DGAT2: variants seen among roughly 807,000 people sequenced by gnomAD.
DGAT2 encodes the protein diacylglycerol O-acyltransferase 2, also known as acyl-CoA retinol O-fatty-acyltransferase.
DGAT2 carries 33 observed loss-of-function variants against 48.4 expected under a neutral mutation model. That is an observed-to-expected ratio of 0.68 (90% CI 0.52 to 0.91). The LOEUF (loss-of-function observed/expected upper bound fraction) is 0.91. Ranked by LOEUF, DGAT2 falls within the 40% of genes least tolerant of loss-of-function variation. The pLI is 0.00. For synonymous variants in DGAT2, 191 were observed against 194.1 expected (o/e 0.98, Z 0.13); for missense variants, 446 against 493.7 (o/e 0.90, Z 0.92).
chr11:75,770,693 T>TA (rs1555057928), intron 1 of DGAT2, among the ~76,000 whole-genome samples: 2 of 152,384 alleles, frequency 1.3e-5, no homozygotes, highest in South Asian at 2.1e-4. Context: ...GTTTTTGACT[T>TA]AGAGTTTGTT....
chr11:75,785,376 C>G (rs1422291288), intron 2 of DGAT2, among the ~76,000 whole-genome samples: 1 of 152,232 alleles, frequency 6.6e-6, no homozygotes, highest in Non-Finnish European at 1.5e-5. Flanking sequence ...AGACCCCACT[C>G]CCAGCCCACA....
intron 1 of DGAT2, among the ~76,000 whole-genome samples, chr11:75,782,624 C>A (rs532160574): frequency 1.5e-4 from 23 of 152,346 alleles, no homozygotes; most frequent in African/African-American, 5.3e-4. Flanking sequence ...TATATACTCA[C>A]CCAGTCCTGT....
chr11:75,775,357 C>G (rs1944794324), intron 1 of DGAT2, among the ~76,000 whole-genome samples: 1 of 152,230 alleles, frequency 6.6e-6, no homozygotes, highest in Admixed American at 6.5e-5. Context: ...ACCTGGCACA[C>G]CTAGCATAGC....
intron 1 of DGAT2, among the ~76,000 whole-genome samples, chr11:75,777,723 G>C (rs1047634079): frequency 2.8e-4 from 42 of 152,252 alleles, no homozygotes; most frequent in Admixed American, 7.8e-4. Context: ...AGGTGAGGTG[G>C]GTGGAGGACG....
intron 1 of DGAT2, among the ~76,000 whole-genome samples, chr11:75,780,424 A>C (rs1944848993): frequency 6.6e-6 from 1 of 152,116 alleles, no homozygotes; most frequent in African/African-American, 2.4e-5. Context: ...AGTCCTCAGG[A>C]GGGTGGGTGC....
At chr11:75,779,257 T>C (rs998619381) in intron 1 of DGAT2, among the ~76,000 whole-genome samples, 1 of 152,158 alleles carries the variant, frequency 6.6e-6, no homozygotes, top group East Asian at 1.9e-4. Context: ...GAGCATGATA[T>C]GGGCAGAGGA....
At chr11:75,784,815 GA>G in intron 2 of DGAT2, 69 bp downstream of exon 2, 3 of 1,605,610 alleles carry the variant, frequency 1.9e-6, no homozygotes, top group Non-Finnish European at 2.6e-6. Flanking sequence ...GGTAGAGCAG[GA>G]GCCCTGCTCT....
At chr11:75,770,091 A>C (rs1392088121) in intron 1 of DGAT2, among the ~76,000 whole-genome samples, 1 of 152,242 alleles carries the variant, frequency 6.6e-6, no homozygotes, top group Admixed American at 6.5e-5. Flanking sequence ...TCCTATTAGC[A>C]TTTTAGTATA....
At chr11:75,794,821 T>G (rs1278886182) in intron 4 of DGAT2, 2 of 152,168 alleles carry the variant, frequency 1.3e-5, no homozygotes, top group Non-Finnish European at 2.9e-5. Flanking sequence ...ATGCGTCAGA[T>G]GGTTTTATCT....
In DGAT2 at chr11:75,768,973, G is replaced by C; in HGVS notation, c.-19G>C. 3 of 1,492,296 alleles carry C rather than the reference G, an allele frequency of 2.0e-6. No individual in the cohort carries two copies. The highest frequency in any genetic ancestry group is 2.7e-6 in the Non-Finnish European group (3 of 1,123,068). The allele number at this position is 1,492,296 out of a possible 1,614,324, so 92.4% of individuals were successfully genotyped here. On this transcript the variant is annotated 5_prime_UTR_variant, in exon 1 of 8. It removes the in-frame stop codon of an upstream open reading frame in the 5' UTR. Coordinates refer to ENST00000228027, the MANE Select transcript of DGAT2 (RefSeq NM_032564.5). ...GTGAAGCGGCTTCCCGCGGGGCCGT[G>C]ACTGGGCGGGCTTCAGCCATGAAGA...
chr11:75,780,363 A>G (rs1351298580), intron 1 of DGAT2, among the ~76,000 whole-genome samples: 1 of 152,184 alleles, frequency 6.6e-6, no homozygotes, highest in Non-Finnish European at 1.5e-5. Context: ...GAGCAACGGT[A>G]CCAGAACTAC....
chr11:75,773,464 C>T (rs1230045700), intron 1 of DGAT2, among the ~76,000 whole-genome samples: 1 of 152,174 alleles, frequency 6.6e-6, no homozygotes, highest in African/African-American at 2.4e-5. Context: ...GGATCTCACT[C>T]CTTCTATCTG....
rs1436162926 is a variant in DGAT2 at position 75,798,374 on chromosome 11, C to T, written c.957C>T (p.Leu319=). 33 of 1,613,918 alleles carry T rather than the reference C, an allele frequency of 2.0e-5. No homozygotes were observed. The highest frequency in any genetic ancestry group is 2.7e-5 in the African/African-American group (2 of 74,928). ...FAPCIFHGRG[L]FSSDTWGLVP... ...CATGCATCTTCCATGGTCGAGGCCT[C>T]TTCTCCTCCGACACCTGGGGGCTGG... Residue 319 remains leucine, a synonymous_variant, in exon 7 of 8, where the codon CTC becomes CTT. Transcript: ENST00000228027.
intron 2 of DGAT2, among the ~76,000 whole-genome samples, chr11:75,788,011 C>T (rs1347194526): frequency 1.3e-5 from 2 of 152,200 alleles, no homozygotes; most frequent in Admixed American, 6.5e-5. Context: ...AGGGTTACCC[C>T]CCTTCCCAGA....
Position 75,800,416 on chromosome 11 carries a change from C to T in DGAT2, c.1075C>T (p.His359Tyr), listed in dbSNP as rs1346518188. ...HPTQQDIDLYHTMYMEALVKL... is the reference protein window; with the variant it reads ...HPTQQDIDLYYTMYMEALVKL... ...AACCCAGCAAGACATCGACCTGTAC[C>T]ACACCATGTACATGGAGGCCCTGGT... The change falls in exon 8 of 8, where the codon CAC (histidine) becomes TAC (tyrosine). Residue 359 changes from histidine (H) to tyrosine (Y), a missense_variant. Coordinates refer to ENST00000228027, the MANE Select transcript of DGAT2 (RefSeq NM_032564.5). The T allele has an allele frequency of 1.9e-6, 3 of 1,614,164 alleles. No homozygotes were observed. The highest frequency in any genetic ancestry group is 2.5e-6 in the Non-Finnish European group (3 of 1,180,044).
chr11:75,772,770 T>G (rs1944770575), intron 1 of DGAT2, among the ~76,000 whole-genome samples: 1 of 152,176 alleles, frequency 6.6e-6, no homozygotes, highest in Non-Finnish European at 1.5e-5. Context: ...GGAGGATCAC[T>G]TGAGGTCAGG....
Position 75,796,510 on chromosome 11 carries a change from G to C in DGAT2, c.612G>C (p.Leu204Phe). The C allele has an allele frequency of 1.2e-6, 2 of 1,612,934 alleles. No homozygotes were observed. Among genetic ancestry groups the C allele is most frequent in the Non-Finnish European group, 1.7e-6 (2 of 1,179,998 alleles). The change falls in exon 5 of 8, where the codon TTG (leucine) becomes TTC (phenylalanine). Residue 204 changes from leucine to phenylalanine, a missense_variant. Physicochemically the swap from Leu to Phe is conservative, Grantham distance 22. Transcript: ENST00000228027. ...CAGGCAACTTCCGAATGCCTGTGTT[G>C]AGGGAGTACCTGATGTCTGGAGGTA... ...TLAGNFRMPV[L>F]REYLMSGGIC...
At chr11:75,796,043 C>T (rs765196390) in intron 4 of DGAT2, 34 of 391,474 alleles carry the variant, frequency 8.7e-5, no homozygotes, top group Non-Finnish European at 1.4e-4. Context: ...AGGAGGCTGG[C>T]AGAGTGCAAA....
intron 1 of DGAT2, among the ~76,000 whole-genome samples, chr11:75,782,756 T>C (rs192423187): frequency 1.3e-5 from 2 of 152,342 alleles, no homozygotes; most frequent in Admixed American, 1.3e-4. Context: ...CCTCCGACTG[T>C]GTCCTGTGTA....
Sources: gnomAD v4.1 joint callset for allele counts (sites outside exome capture counted in the v4.1 genomes callset) on GRCh38, gnomAD v4.1.1 for gene constraint, MANE v1.5 for transcripts, NCBI Gene and HGNC (gene_info 2026-07-23, HGNC 2026-07-21) for gene names.